SLC16A14: variants seen among roughly 807,000 people sequenced by gnomAD.
SLC16A14 encodes the protein solute carrier family 16 member 14.
In SLC16A14, 14 loss-of-function variants were observed where a neutral mutation model predicts 35.8. The ratio of observed to expected loss-of-function variants is 0.39; its 90% confidence interval spans 0.26 to 0.61. The LOEUF (loss-of-function observed/expected upper bound fraction) is 0.61, where lower values mean the gene tolerates loss of function less well. SLC16A14 is among the 20% of genes least tolerant of loss of function. The pLI is 0.51. For missense variants in SLC16A14, 533 were observed against 655.0 expected (o/e 0.81, Z 2.03); for synonymous variants, 248 against 258.9 (o/e 0.96, Z 0.40).
intron 1 of SLC16A14, among the ~76,000 whole-genome samples, chr2:230,060,689 GGGGA>G (rs1323957625): frequency 6.6e-6 from 1 of 150,858 alleles, no homozygotes; most frequent in Non-Finnish European, 1.5e-5. Context: ...TTTTTTTTGG[GGGGA>G]GGGGATGAGA....
At position 230,046,267 on chromosome 2, in the gene SLC16A14, T is replaced by TG; in HGVS notation, c.858dup (p.Ser287GlnfsTer59). On this transcript the variant is annotated frameshift_variant, in exon 4 of 5. Transcript: ENST00000295190. LOFTEE classifies it high-confidence loss of function. This position sits in a 1 kb window ranked among gnomAD's most constrained non-coding sequence, Gnocchi z 5.0. ...TTCCTGACTCTCATGGTGAGCCAGC[T>TG]GACAGTCTTCAGAATCCGGAGGGCA... The TG allele has an allele frequency of 6.2e-7, 1 of 1,614,200 alleles. No individual in the cohort carries two copies. Among genetic ancestry groups the TG allele is most frequent in the Middle Eastern group, 1.6e-4 (1 of 6,062 alleles).
At chr2:230,067,571 T>TCTCTCTCTCTCTCTCTCTCTCACA (rs1269765776) in intron 1 of SLC16A14, among the ~76,000 whole-genome samples, 3 of 143,720 alleles carry the variant, frequency 2.1e-5, no homozygotes, top group African/African-American at 8.3e-5. Context: ...TCTCTCTCTC[T>TCTCTCTCTCTCTCTCTCTCTCACA]CACACACACA....
chr2:230,040,512 G>C (rs193290455), intron 4 of SLC16A14, among the ~76,000 whole-genome samples: 3 of 152,298 alleles, frequency 2.0e-5, no homozygotes, highest in Non-Finnish European at 4.4e-5. Context: ...GTGAGCCACT[G>C]TTCCCGGCCA....
intron 1 of SLC16A14, among the ~76,000 whole-genome samples, chr2:230,063,602 T>C (rs980192559): frequency 1.3e-5 from 2 of 152,240 alleles, no homozygotes; most frequent in African/African-American, 4.8e-5. Context: ...GTTCACACTT[T>C]AGCGTGACCC....
At chr2:230,054,136 T>C (rs556345813) in intron 2 of SLC16A14, among the ~76,000 whole-genome samples, 29 of 152,164 alleles carry the variant, frequency 1.9e-4, no homozygotes, top group African/African-American at 7.0e-4. Context: ...CAATCAAGAT[T>C]GACAATCACT....
chr2:230,037,585 G>A, intron 4 of SLC16A14, 54 bp from the exon 5 acceptor site: 1 of 1,410,810 alleles, frequency 7.1e-7, no homozygotes, highest in Non-Finnish European at 9.5e-7. Context: ...CAATGAAAGT[G>A]AAGAACATGA....
intron 1 of SLC16A14, among the ~76,000 whole-genome samples, chr2:230,063,778 G>T (rs529501018): frequency 1.3e-5 from 2 of 152,196 alleles, no homozygotes; most frequent in African/African-American, 4.8e-5. Flanking sequence ...GTAATTTCCC[G>T]CTTCTTTCTA....
chr2:230,052,100 C>A (rs2077665395), intron 2 of SLC16A14, among the ~76,000 whole-genome samples: 1 of 152,100 alleles, frequency 6.6e-6, no homozygotes, highest in African/African-American at 2.4e-5. Context: ...CCATGCCTGG[C>A]TAATTTTTGT....
intron 4 of SLC16A14, among the ~76,000 whole-genome samples, chr2:230,042,556 T>C (rs1167992029): frequency 2.0e-5 from 3 of 152,212 alleles, no homozygotes; most frequent in Non-Finnish European, 2.9e-5. Flanking sequence ...CAAAGAACCA[T>C]CAGTGACAGA....
Position 230,046,477 on chromosome 2 carries a change from T to C in SLC16A14, c.649A>G (p.Asn217Asp), listed in dbSNP as rs147395915. ...ALMRPLSPGK[N>D]PNDPGEKDVR... ...TCTTTCTCTCCTGGGTCGTTTGGGT[T>C]TTTACCAGGAGAGAGGGGCCTCATG... is the stretch of plus-strand genomic sequence containing the variant. Residue 217 changes from asparagine to aspartate, a missense_variant, in exon 4 of 5, where the codon AAC (asparagine) becomes GAC (aspartate). Physicochemically the swap from Asn to Asp is conservative, Grantham distance 23. Coordinates refer to ENST00000295190, the MANE Select transcript of SLC16A14 (RefSeq NM_152527.5). This position sits in a 1 kb window ranked among gnomAD's most constrained non-coding sequence, Gnocchi z 5.0. The C allele has an allele frequency of 7.2e-5, 117 of 1,614,108 alleles. No individual in the cohort carries two copies. In the African/African-American group the frequency reaches 1.5e-3, roughly 21 times the overall value.
chr2:230,047,399 A>C (rs2077618634), intron 3 of SLC16A14, among the ~76,000 whole-genome samples: 1 of 148,846 alleles, frequency 6.7e-6, no homozygotes, highest in African/African-American at 2.5e-5. Context: ...GCGTCCTCGA[A>C]CTCCCCAGGC....
chr2:230,062,888 C>T lies in SLC16A14; in HGVS notation c.-14-3522G>A, dbSNP rs1436095742. 2.0e-5 allele frequency among the ~76,000 whole-genome samples: 3 copies of T among 152,358 alleles called. No individual in the cohort carries two copies. The South Asian group carries it at 6.2e-4, about 32-fold the overall frequency. Reference sequence around the variant, plus strand: ...ACAGCTGTCCAGTCCTCAGCCACTACAGCACCTATGTGCAGTGCTGCTCTT... The same window carrying T: ...ACAGCTGTCCAGTCCTCAGCCACTATAGCACCTATGTGCAGTGCTGCTCTT... On this transcript the variant is annotated intron_variant, in intron 1 of 4. Coordinates refer to ENST00000295190, the MANE Select transcript of SLC16A14 (RefSeq NM_152527.5).
chr2:230,043,016 AT>A (rs879354966), intron 4 of SLC16A14, among the ~76,000 whole-genome samples: 2 of 152,220 alleles, frequency 1.3e-5, no homozygotes, highest in African/African-American at 2.4e-5. Flanking sequence ...TGTGACAGAA[AT>A]CTGCTTAAAC....
Position 230,038,237 on chromosome 2 carries a change from A to G in SLC16A14, c.1382-706T>C, listed in dbSNP as rs1165861540. ...GCTTAATATAATAATCTTATTAGAC[A>G]TTCTGTAAAATACCACTATATTTCA... On this transcript the variant is annotated intron_variant, in intron 4 of 4. Transcript: ENST00000295190. The surrounding 1 kb of genome is among the most constrained non-coding windows in gnomAD (Gnocchi z 4.4). Among the ~76,000 whole-genome samples, 1 of 152,224 alleles carries G rather than the reference A, an allele frequency of 6.6e-6. No homozygotes were observed. The highest frequency in any genetic ancestry group is 2.1e-4 in the South Asian group (1 of 4,832).
Position 230,046,490 on chromosome 2 carries a change from G to T in SLC16A14, c.636C>A (p.Leu212=). Residue 212 remains leucine (L), a synonymous_variant, in exon 4 of 5, where the codon CTC becomes CTA. Coordinates refer to ENST00000295190, the MANE Select transcript of SLC16A14 (RefSeq NM_152527.5). The surrounding 1 kb of genome is among the most constrained non-coding windows in gnomAD (Gnocchi z 5.0). ...LCVCGALMRP[L]SPGKNPNDPG... ...GGTCGTTTGGGTTTTTACCAGGAGAGAGGGGCCTCATGAGCGCCCCACAAA... is the reference window on the plus strand; with the variant it reads ...GGTCGTTTGGGTTTTTACCAGGAGATAGGGGCCTCATGAGCGCCCCACAAA... 1 of 1,614,178 alleles carries T rather than the reference G, an allele frequency of 6.2e-7. No homozygotes were observed. The highest frequency in any genetic ancestry group is 8.5e-7 in the Non-Finnish European group (1 of 1,180,030).
At chr2:230,059,065 G>C in intron 2 of SLC16A14, 29 bp downstream of exon 2, 1 of 1,555,386 alleles carries the variant, frequency 6.4e-7, no homozygotes. Flanking sequence ...TAACGATTCA[G>C]TTTTACGACA....
chr2:230,062,345 TA>T (rs978960441), intron 1 of SLC16A14, among the ~76,000 whole-genome samples: 3 of 142,280 alleles, frequency 2.1e-5, no homozygotes, highest in African/African-American at 7.7e-5. Flanking sequence ...TGTTTGTTTT[TA>T]CCTTTTTTTT....
At chr2:230,047,615 A>G (rs10179946) in intron 3 of SLC16A14, among the ~76,000 whole-genome samples, 8,790 of 152,260 alleles carry the variant, frequency 0.058, 840 homozygotes, top group African/African-American at 0.2. Flanking sequence ...AACATCTGAC[A>G]TTTTTAAAGA....
chr2:230,054,270 A>C (rs1207840745), intron 2 of SLC16A14, among the ~76,000 whole-genome samples: 1 of 152,188 alleles, frequency 6.6e-6, no homozygotes, highest in Non-Finnish European at 1.5e-5. Context: ...CTGTGAAAAG[A>C]AAATACAGAC....
Sources: allele counts gnomAD v4.1 joint callset (sites outside exome capture counted in the v4.1 genomes callset), GRCh38; gene constraint gnomAD v4.1.1; non-coding constraint Gnocchi (gnomAD v3.1); transcripts MANE v1.5; gene names NCBI Gene and HGNC (gene_info 2026-07-23, HGNC 2026-07-21).